Variants in ANKRD11 observed in about 807,000 individuals in gnomAD.
ANKRD11 encodes the protein ankyrin repeat domain-containing protein 11.
In ANKRD11, 17 loss-of-function variants were observed where a neutral mutation model predicts 195.7. The observed-to-expected ratio is 0.09, with a 90% CI of 0.06 to 0.13. The LOEUF (loss-of-function observed/expected upper bound fraction) is 0.13, where lower values mean the gene tolerates loss of function less well. Among genes scored for constraint, ANKRD11 ranks in the 10% least tolerant of loss-of-function variants. The pLI, the probability that ANKRD11 is intolerant of heterozygous loss-of-function variation, is 1.00. For missense variants in ANKRD11, 3,735 were observed against 3,566.1 expected (o/e 1.05, Z -1.21); for synonymous variants, 1,953 against 1,528.1 (o/e 1.28, Z -6.49).
rs373079199 is a variant in ANKRD11 at position 89,460,323 on chromosome 16, T to C, written c.-145+29922A>G. Among the ~76,000 whole-genome samples the C allele has an allele frequency of 5.6e-4, 85 of 151,880 alleles. 1 individual carries two copies. The South Asian group carries it at 0.015, about 26-fold the overall frequency. ...ATGCTTTGGTCATAAAAATAATAAG[T>C]GTATCCTATAAATGTCCTGAGGTCA... On this transcript the variant is annotated intron_variant, in intron 1 of 12. Coordinates refer to ENST00000301030, the MANE Select transcript of ANKRD11 (RefSeq NM_013275.6).
chr16:89,312,494 C>A (rs1013161125), intron 3 of ANKRD11, among the ~76,000 whole-genome samples: 1 of 152,214 alleles, frequency 6.6e-6, no homozygotes, highest in African/African-American at 2.4e-5. Flanking sequence ...GGGCCACAGG[C>A]CGTGTGCTCT....
intron 2 of ANKRD11, among the ~76,000 whole-genome samples, chr16:89,375,926 C>G (rs1337844421): frequency 7.2e-5 from 11 of 152,204 alleles, no homozygotes; most frequent in Admixed American, 7.2e-4. Context: ...GGAGTTGTGA[C>G]TTTAGGAAAA....
In ANKRD11 at chr16:89,275,296, G is replaced by A. The variant is rs1007067192; in HGVS notation, c.7471-105C>T. ...TCCCGACTCAGCCTCCCCACTCCTA[G>A]GAGCCTGCCCTGGAGGCCTCCTCCA... is the stretch of plus-strand genomic sequence containing the variant. On this transcript the variant is annotated intron_variant, in intron 9 of 12. Coordinates refer to ENST00000301030, the MANE Select transcript of ANKRD11 (RefSeq NM_013275.6). The A allele has an allele frequency of 1.8e-5, 18 of 973,572 alleles. No individual in the cohort carries two copies. The Admixed American group carries it at 3.9e-4, about 21-fold the overall frequency. The allele number at this position is 973,572 out of a possible 1,614,324, so 60.3% of individuals were successfully genotyped here.
chr16:89,355,818 G>C (rs1232476123), intron 2 of ANKRD11, among the ~76,000 whole-genome samples: 1 of 152,158 alleles, frequency 6.6e-6, no homozygotes, highest in African/African-American at 2.4e-5. Context: ...TCACGGCAAG[G>C]GTCTGTGGCT....
chr16:89,438,298 A>G (rs1196229131), intron 1 of ANKRD11, among the ~76,000 whole-genome samples: 1 of 150,622 alleles, frequency 6.6e-6, no homozygotes, highest in Non-Finnish European at 1.5e-5. Context: ...GTAGGAAGCT[A>G]TCTTTATGGC....
chr16:89,304,009 T>C (rs2036005333), intron 4 of ANKRD11, among the ~76,000 whole-genome samples: 1 of 152,224 alleles, frequency 6.6e-6, no homozygotes, highest in South Asian at 2.1e-4. Flanking sequence ...CTCAGCACTC[T>C]CCCGGTTCAC....
intron 6 of ANKRD11, 79 bp downstream of exon 6, chr16:89,290,546 G>A (rs2034993292): frequency 1.3e-6 from 2 of 1,484,784 alleles, no homozygotes; most frequent in East Asian, 2.3e-5. Context: ...CTCCAATGGG[G>A]GGAGGCTCAG....
At chr16:89,314,152 G>A (rs1009959696) in intron 3 of ANKRD11, among the ~76,000 whole-genome samples, 12 of 151,934 alleles carry the variant, frequency 7.9e-5, no homozygotes, top group Admixed American at 6.5e-4. Context: ...TGAGCCTGGG[G>A]CAGTGGGGCA....
intron 1 of ANKRD11, among the ~76,000 whole-genome samples, chr16:89,449,596 C>G (rs554954900): frequency 5.0e-4 from 76 of 152,104 alleles, no homozygotes; most frequent in Non-Finnish European, 9.1e-4. Flanking sequence ...GAGTTCGAGA[C>G]CAGCCTGACC....
chr16:89,360,312 G>T (rs967974738), intron 2 of ANKRD11, among the ~76,000 whole-genome samples: 1 of 152,092 alleles, frequency 6.6e-6, no homozygotes, highest in East Asian at 1.9e-4. Context: ...GCCCAAGCTG[G>T]CCTGAAACTC....
chr16:89,481,394 C>T (rs1052886529), intron 1 of ANKRD11, among the ~76,000 whole-genome samples: 19 of 152,102 alleles, frequency 1.2e-4, no homozygotes, highest in African/African-American at 4.6e-4. Context: ...ATAGCGAAAC[C>T]CCATTTCTAC....
At position 89,446,067 on chromosome 16, in the gene ANKRD11, T is replaced by C. The variant is rs2043777611; in HGVS notation, c.-144-27699A>G. ...CCTAAGAGAATATGAAGCTTTGTTT[T>C]GTTCTTCAGATGGATCCACACTTAG... On this transcript the variant is annotated intron_variant, in intron 1 of 12. Coordinates refer to ENST00000301030, the MANE Select transcript of ANKRD11 (RefSeq NM_013275.6). 2.0e-5 allele frequency among the ~76,000 whole-genome samples: 3 copies of C among 151,770 alleles called. No individual in the cohort carries two copies. The South Asian group carries it at 6.2e-4, about 32-fold the overall frequency.
intron 1 of ANKRD11, among the ~76,000 whole-genome samples, chr16:89,418,858 C>T (rs2042401550): frequency 6.6e-6 from 1 of 151,810 alleles, no homozygotes; most frequent in South Asian, 2.1e-4. Context: ...TCCACCTCCC[C>T]TCCTGGGTTC....
rs2034492087 is a variant in ANKRD11, at chr16:89,284,290, T to C, written c.2252A>G (p.Lys751Arg). The C allele has an allele frequency of 2.5e-6, 4 of 1,613,932 alleles. No individual in the cohort carries two copies. In the East Asian group the frequency reaches 8.9e-5, roughly 36 times the overall value. ...TCTCAGTTTTTCTTCTTTCGGAGAC[T>C]TTTCCTTCAGCGATCTCTCCTTTTC... ...KAEKERSLKE[K>R]SPKEEKLRLY... The change falls in exon 9 of 13, where the codon AAG (lysine) becomes AGG (arginine). Residue 751 changes from lysine to arginine, a missense_variant. Transcript: ENST00000301030.
intron 1 of ANKRD11, among the ~76,000 whole-genome samples, chr16:89,452,980 C>T (rs2044151818): frequency 6.6e-6 from 1 of 151,914 alleles, no homozygotes; most frequent in Non-Finnish European, 1.5e-5. Context: ...GAGACAGGGC[C>T]TCCTTATGTT....
intron 1 of ANKRD11, among the ~76,000 whole-genome samples, chr16:89,461,157 G>C: frequency 8.0e-6 from 1 of 125,032 alleles, no homozygotes; most frequent in African/African-American, 3.2e-5. Flanking sequence ...ATTCATAAGA[G>C]AAGAAAGGAC....
chr16:89,410,722 T>C (rs1200673025), intron 2 of ANKRD11, among the ~76,000 whole-genome samples: 1 of 152,262 alleles, frequency 6.6e-6, no homozygotes, highest in Non-Finnish European at 1.5e-5. Context: ...CCAAAAGCTA[T>C]GAAAGCATCC....
chr16:89,341,456 T>C (rs1212910813), intron 2 of ANKRD11, among the ~76,000 whole-genome samples: 3 of 152,180 alleles, frequency 2.0e-5, no homozygotes. Flanking sequence ...TCCAGAAGGT[T>C]CCAGAAGGCC....
chr16:89,377,266 T>C (rs1225581647), intron 2 of ANKRD11, among the ~76,000 whole-genome samples: 1 of 151,722 alleles, frequency 6.6e-6, no homozygotes, highest in African/African-American at 2.4e-5. Context: ...ACTGTCAACA[T>C]GGGAGAGAGA....
Sources: allele counts gnomAD v4.1 joint callset (sites outside exome capture counted in the v4.1 genomes callset), GRCh38; gene constraint gnomAD v4.1.1; transcripts MANE v1.5; gene names NCBI Gene and HGNC (gene_info 2026-07-23, HGNC 2026-07-21).